NRXN1: variants seen among roughly 807,000 people sequenced by gnomAD.
NRXN1 encodes the protein neurexin 1.
A neutral mutation model predicts 150.9 loss-of-function variants in NRXN1; 39 were observed. That is an observed-to-expected ratio of 0.26 (90% CI 0.20 to 0.34). The LOEUF (loss-of-function observed/expected upper bound fraction) is 0.34. Ranked by LOEUF, NRXN1 falls within the 10% of genes least tolerant of loss-of-function variation. NRXN1 has a pLI of 1.00. For missense variants in NRXN1, 1,815 were observed against 1,949.9 expected, an observed-to-expected ratio of 0.93 and a Z score of 1.30; for synonymous variants, 924 against 757.0, an observed-to-expected ratio of 1.22 and a Z score of -3.62.
chr2:50,084,197 C>T lies in NRXN1; in HGVS notation c.3718+7126G>A, dbSNP rs191940476. ...TTCACCCAGCGTATCCCACACGGGG[C>T]GGCAGATGGAGCTGCCTGCCAGTCC... is the stretch of plus-strand genomic sequence containing the variant. On this transcript the variant is annotated intron_variant, in intron 19 of 22. Coordinates refer to ENST00000401669, the MANE Select transcript of NRXN1 (RefSeq NM_001330078.2). Among the ~76,000 whole-genome samples, 1,188 of 152,324 alleles carry T rather than the reference C, an allele frequency of 7.8e-3. 9 individuals carry two copies. Among genetic ancestry groups the T allele is most frequent in the Non-Finnish European group, 0.012 (809 of 68,024 alleles).
chr2:50,062,589 A>T (rs1694718816), intron 19 of NRXN1, among the ~76,000 whole-genome samples: 1 of 152,168 alleles, frequency 6.6e-6, no homozygotes, highest in Non-Finnish European at 1.5e-5. Flanking sequence ...GAGAGTAATT[A>T]CAAAGAATCA....
intron 5 of NRXN1, among the ~76,000 whole-genome samples, chr2:50,694,239 A>T (rs993778669): frequency 1.1e-4 from 17 of 152,210 alleles, no homozygotes; most frequent in African/African-American, 3.1e-4. Context: ...AATGGATTAG[A>T]CTAGAAAGAA....
At chr2:50,576,417 T>C (rs1671442924) in intron 8 of NRXN1, among the ~76,000 whole-genome samples, 1 of 152,140 alleles carries the variant, frequency 6.6e-6, no homozygotes, top group African/African-American at 2.4e-5. Context: ...TAATTCCTTT[T>C]TATAGTTGCA....
chr2:51,011,839 G>A (rs1667925959), intron 2 of NRXN1, among the ~76,000 whole-genome samples: 1 of 151,928 alleles, frequency 6.6e-6, no homozygotes, highest in Non-Finnish European at 1.5e-5. Flanking sequence ...GCTTTGAAAG[G>A]GGACAAAAGG....
In NRXN1 at chr2:50,236,818, C is replaced by T; in HGVS notation, c.3517G>A (p.Gly1173Ser). 6.2e-7 allele frequency: 1 copy of T among 1,613,202 alleles called. No homozygotes were observed. Among genetic ancestry groups the T allele is most frequent in the Non-Finnish European group, 8.5e-7 (1 of 1,179,554 alleles). ...TGCAGTTCTAGGTAGTCACCCAAGC[C>T]TGAAGAACTGTCCACTCGCACCAAT... is the stretch of plus-strand genomic sequence containing the variant. ...AVLVRVDSSS[G>S]LGDYLELHIH... The change falls in exon 18 of 23, where the codon GGC (glycine) becomes AGC (serine). Residue 1173 changes from glycine to serine, a missense_variant. By Grantham distance (56) the Gly-to-Ser change is moderately conservative (BLOSUM62 0). Around this residue, in one of 6 missense-constraint regions of NRXN1, gnomAD observed 339 missense variants for 440.3 expected, o/e 0.77. Transcript: ENST00000401669.
chr2:49,954,753 T>C (rs1209102541), intron 21 of NRXN1, among the ~76,000 whole-genome samples: 1 of 152,154 alleles, frequency 6.6e-6, no homozygotes, highest in Admixed American at 6.6e-5. Context: ...GAGCTATCTT[T>C]TCTTAGTGCA....
intron 5 of NRXN1, among the ~76,000 whole-genome samples, chr2:50,811,958 C>G (rs1017131256): frequency 3.9e-5 from 6 of 152,162 alleles, no homozygotes; most frequent in Admixed American, 3.9e-4. Flanking sequence ...AATCATTAAG[C>G]AATTCCAACC....
chr2:50,658,076 G>A (rs1428108896), intron 5 of NRXN1, among the ~76,000 whole-genome samples: 1 of 152,002 alleles, frequency 6.6e-6, no homozygotes, highest in Non-Finnish European at 1.5e-5. Flanking sequence ...TGTGCTCTCA[G>A]CAGATCTTAG....
intron 12 of NRXN1, among the ~76,000 whole-genome samples, chr2:50,519,241 T>G (rs1171973318): frequency 6.6e-6 from 1 of 151,958 alleles, no homozygotes; most frequent in East Asian, 1.9e-4. Flanking sequence ...GCTAAACCCT[T>G]CTTTATTTGA....
intron 17 of NRXN1, among the ~76,000 whole-genome samples, chr2:50,364,917 A>AC (rs1572692939): frequency 2.0e-5 from 3 of 151,972 alleles, no homozygotes; most frequent in South Asian, 2.1e-4. Context: ...ACTGCAAGAG[A>AC]CCCCCAAACA....
At chr2:50,088,231 A>G (rs1699070918) in intron 19 of NRXN1, among the ~76,000 whole-genome samples, 1 of 152,174 alleles carries the variant, frequency 6.6e-6, no homozygotes, top group South Asian at 2.1e-4. Context: ...CAAAATTTGT[A>G]TTCAGCCATT....
intron 12 of NRXN1, among the ~76,000 whole-genome samples, chr2:50,509,384 C>G (rs1015721758): frequency 7.2e-5 from 11 of 152,126 alleles, no homozygotes; most frequent in African/African-American, 2.7e-4. Context: ...GGAAGCAAAT[C>G]TCTAAGTAAT....
Position 50,439,245 on chromosome 2 carries a change from T to C in NRXN1, c.3364+26197A>G, listed in dbSNP as rs2085712154. Among the ~76,000 whole-genome samples, 2 of 152,230 alleles carry C rather than the reference T, an allele frequency of 1.3e-5. 1 individual carries two copies. Among genetic ancestry groups the C allele is most frequent in the South Asian group, 4.1e-4 (2 of 4,834 alleles). On this transcript the variant is annotated intron_variant, in intron 17 of 22. Transcript: ENST00000401669. ...GTATGTTTAGTAGATGTTTTGTCTT[T>C]GAATCTTTCTGGTTGCCCCTGAAAA...
At chr2:50,240,137 A>T (rs13417293) in intron 17 of NRXN1, among the ~76,000 whole-genome samples, 21,128 of 151,616 alleles carry the variant, frequency 0.14, 1,697 homozygotes, top group African/African-American at 0.21. Flanking sequence ...CTTGATGACT[A>T]GAATGAGATT....
Position 50,497,351 on chromosome 2 carries a change from A to G in NRXN1, c.2861T>C (p.Val954Ala). Residue 954 changes from valine to alanine, a missense_variant, in exon 14 of 23, where the codon GTG becomes GCG. Val to Ala is a moderately conservative substitution (Grantham distance 64, BLOSUM62 0). This residue lies in a region of NRXN1 where 339 missense variants were observed against 440.3 expected (regional missense o/e 0.77). Coordinates refer to ENST00000401669, the MANE Select transcript of NRXN1 (RefSeq NM_001330078.2). The stretch of plus-strand genomic sequence containing the variant: ...TACTCACCCTTTAACTAATTCAACC[A>G]CAATAAAGTCATTTCCATCCCCACT... Reference protein sequence around the residue: ...YNSGDGNDFIVVELVKGYLHY... With the variant: ...YNSGDGNDFIAVELVKGYLHY... 6.5e-7 allele frequency: 1 copy of G among 1,537,032 alleles called. No homozygotes were observed.
chr2:50,367,274 A>G (rs1432255450), intron 17 of NRXN1, among the ~76,000 whole-genome samples: 1 of 151,972 alleles, frequency 6.6e-6, no homozygotes, highest in Non-Finnish European at 1.5e-5. Flanking sequence ...AACATGCCAT[A>G]AAAAAGGAAA....
At chr2:50,475,232 A>G (rs894897347) in intron 15 of NRXN1, among the ~76,000 whole-genome samples, 4 of 152,030 alleles carry the variant, frequency 2.6e-5, no homozygotes, top group Non-Finnish European at 5.9e-5. Context: ...AATTATGTAT[A>G]GAATACTATA....
At chr2:50,844,213 C>G (rs919089598) in intron 5 of NRXN1, among the ~76,000 whole-genome samples, 1 of 152,276 alleles carries the variant, frequency 6.6e-6, no homozygotes, top group South Asian at 2.1e-4. Flanking sequence ...AAGTCCTTCC[C>G]CCAGTTCCTC....
At chr2:50,570,467 T>C (rs1670504134) in intron 8 of NRXN1, among the ~76,000 whole-genome samples, 1 of 152,138 alleles carries the variant, frequency 6.6e-6, no homozygotes, top group African/African-American at 2.4e-5. Context: ...TTCCTCCTTA[T>C]GCTAACATAT....
Sources: gnomAD v4.1 joint callset for allele counts (sites outside exome capture counted in the v4.1 genomes callset) on GRCh38, gnomAD v4.1.1 for gene constraint, gnomAD v4.1.1 regional missense constraint, MANE v1.5 for transcripts, NCBI Gene and HGNC (gene_info 2026-07-23, HGNC 2026-07-21) for gene names.